The following TLE4 variants were observed in gnomAD, a reference collection of about 807,000 sequenced individuals.
TLE4 encodes the protein TLE family member 4, transcriptional corepressor, also known as transducin-like enhancer protein 4.
Under a neutral mutation model 92.8 loss-of-function variants are expected in TLE4, and 8 were observed. The ratio of observed to expected loss-of-function variants is 0.09; its 90% CI spans 0.05 to 0.16. The LOEUF is 0.16. TLE4 is among the 10% of genes least tolerant of loss of function. The pLI is 1.00. For synonymous variants in TLE4, 371 were observed against 374.1 expected (o/e 0.99, Z 0.10); for missense variants, 675 against 997.6 (o/e 0.68, Z 4.36).
chr9:79,578,506 A>T (rs190111246), intron 4 of TLE4, among the ~76,000 whole-genome samples: 280 of 152,342 alleles, frequency 1.8e-3, no homozygotes, highest in Non-Finnish European at 3.4e-3. Flanking sequence ...GTGACTTAGC[A>T]AACTGATAAA....
intron 4 of TLE4, among the ~76,000 whole-genome samples, chr9:79,590,212 C>G (rs1280989474): frequency 6.6e-6 from 1 of 152,188 alleles, no homozygotes; most frequent in Non-Finnish European, 1.5e-5. Context: ...AAAACAATAG[C>G]AGTTCTGTAG....
intron 8 of TLE4, among the ~76,000 whole-genome samples, chr9:79,659,265 C>T (rs1372733463): frequency 4.6e-5 from 7 of 152,128 alleles, no homozygotes; most frequent in Non-Finnish European, 1.0e-4. Flanking sequence ...CCTCATACAC[C>T]CAGCAACTAG....
chr9:79,723,598 C>T (rs1372463195), intron 19 of TLE4, among the ~76,000 whole-genome samples: 1 of 152,220 alleles, frequency 6.6e-6, no homozygotes, highest in Non-Finnish European at 1.5e-5. Context: ...CTCCTCCTCT[C>T]TCCTACTGGT....
intron 4 of TLE4, among the ~76,000 whole-genome samples, chr9:79,589,237 A>G (rs1298111266): frequency 1.3e-5 from 2 of 152,224 alleles, no homozygotes; most frequent in Admixed American, 6.5e-5. Context: ...TGAGTAGAGA[A>G]AGGCCAAGTA....
chr9:79,720,661 A>T (rs1319457978), intron 16 of TLE4, among the ~76,000 whole-genome samples: 3 of 152,080 alleles, frequency 2.0e-5, no homozygotes. Flanking sequence ...CTCCATGGAC[A>T]TCTGTAATTT....
chr9:79,721,720 C>T, intron 16 of TLE4, 21 bp from the exon 17 acceptor site: 2 of 1,613,640 alleles, frequency 1.2e-6, no homozygotes, highest in Non-Finnish European at 1.7e-6. Flanking sequence ...AAGGGCTTTC[C>T]CTCCATTTTG....
intron 5 of TLE4, among the ~76,000 whole-genome samples, chr9:79,625,266 G>A (rs1335945463): frequency 6.6e-6 from 1 of 151,682 alleles, no homozygotes; most frequent in East Asian, 1.9e-4. Flanking sequence ...TGATCCGCCC[G>A]CCTCGGCCTC....
Position 79,587,267 on chromosome 9 carries a change from G to A in TLE4, c.252+11090G>A, listed in dbSNP as rs180879108. ...AGCCACCTTTATATAAGCTGTCTTC[G>A]TTTCTGAGTGCTTAGGGAGGGCCTG... On this transcript the variant is annotated intron_variant, in intron 4 of 19. Coordinates refer to ENST00000376552, the MANE Select transcript of TLE4 (RefSeq NM_007005.6). Among the ~76,000 whole-genome samples, 63 of 152,136 alleles carry A rather than the reference G, an allele frequency of 4.1e-4. 1 individual carries two copies. Among genetic ancestry groups the A allele is most frequent in the South Asian group, 1.0e-3 (5 of 4,820 alleles).
At chr9:79,642,055 A>G (rs2057264216) in intron 6 of TLE4, among the ~76,000 whole-genome samples, 1 of 151,954 alleles carries the variant, frequency 6.6e-6, no homozygotes, top group Non-Finnish European at 1.5e-5. Flanking sequence ...CGTATATTCT[A>G]TGTAGACACA....
intron 8 of TLE4, among the ~76,000 whole-genome samples, chr9:79,698,092 T>C (rs2068758244): frequency 6.6e-6 from 1 of 152,218 alleles, no homozygotes; most frequent in African/African-American, 2.4e-5. Context: ...TTCTTTATCC[T>C]TATGGCAACT....
chr9:79,608,086 C>G lies in TLE4; in HGVS notation c.253-4570C>G, dbSNP rs568522283. 4.6e-5 allele frequency among the ~76,000 whole-genome samples: 7 copies of G among 152,078 alleles called. No individual in the cohort carries two copies. The East Asian group carries it at 1.2e-3, about 25-fold the overall frequency. The stretch of plus-strand genomic sequence containing the variant: ...CTTTCTCTTGCCTGTTTGCCCTGGC[C>G]AGAACTTCCAACACTATGTTGAATA... On this transcript the variant is annotated intron_variant, in intron 4 of 19. Transcript: ENST00000376552.
intron 8 of TLE4, among the ~76,000 whole-genome samples, chr9:79,657,118 C>T (rs113770892): frequency 6.6e-6 from 1 of 152,170 alleles, no homozygotes; most frequent in Non-Finnish European, 1.5e-5. Flanking sequence ...AGAAACTAGA[C>T]CAGTGTGTGT....
intron 6 of TLE4, among the ~76,000 whole-genome samples, chr9:79,643,169 T>C (rs1402118877): frequency 6.6e-6 from 1 of 152,220 alleles, no homozygotes; most frequent in African/African-American, 2.4e-5. Flanking sequence ...GCAAACACTG[T>C]ATACTCGTCA....
chr9:79,626,646 A>G (rs1281249409), intron 5 of TLE4, among the ~76,000 whole-genome samples: 2 of 152,212 alleles, frequency 1.3e-5, no homozygotes, highest in Non-Finnish European at 1.5e-5. Flanking sequence ...AATTACTAAC[A>G]TCAGTTCTTA....
chr9:79,710,187 T>G (rs2072891234), intron 14 of TLE4, among the ~76,000 whole-genome samples: 1 of 152,184 alleles, frequency 6.6e-6, no homozygotes, highest in South Asian at 2.1e-4. Flanking sequence ...ATTCCTTGAG[T>G]TAGGAAAGAC....
intron 8 of TLE4, among the ~76,000 whole-genome samples, chr9:79,665,562 G>A (rs940881249): frequency 4.6e-5 from 7 of 152,184 alleles, no homozygotes; most frequent in East Asian, 3.8e-4. Context: ...GAAGCTGCCC[G>A]GGCTGATGTG....
At chr9:79,721,274 C>G (rs1195773593) in intron 16 of TLE4, among the ~76,000 whole-genome samples, 1 of 152,190 alleles carries the variant, frequency 6.6e-6, no homozygotes, top group South Asian at 2.1e-4. Context: ...CGCCTTCCGT[C>G]TTGCACAGCC....
intron 5 of TLE4, among the ~76,000 whole-genome samples, chr9:79,617,049 A>G (rs970622146): frequency 7.9e-5 from 12 of 152,162 alleles, no homozygotes; most frequent in African/African-American, 2.7e-4. Flanking sequence ...TTCCAGGGAA[A>G]TAGATTCTAT....
At chr9:79,683,176 A>G (rs2135340868) in intron 8 of TLE4, among the ~76,000 whole-genome samples, 1 of 152,340 alleles carries the variant, frequency 6.6e-6, no homozygotes, top group African/African-American at 2.4e-5. Context: ...GTAGACCATC[A>G]GTTTAACTCC....
Sources: gnomAD v4.1 joint callset for allele counts (sites outside exome capture counted in the v4.1 genomes callset) on GRCh38, gnomAD v4.1.1 for gene constraint, MANE v1.5 for transcripts, NCBI Gene and HGNC (gene_info 2026-07-23, HGNC 2026-07-21) for gene names.